CLASP2: variants seen among roughly 807,000 people sequenced by gnomAD.
CLASP2 encodes the protein CLIP-associating protein 2.
A neutral mutation model predicts 194.4 loss-of-function variants in CLASP2; 47 were observed. The ratio of observed to expected loss-of-function variants is 0.24; its 90% CI spans 0.19 to 0.31. The LOEUF is 0.31. CLASP2 is among the 10% of genes least tolerant of loss of function. The pLI, the probability that CLASP2 is intolerant of heterozygous loss-of-function variation, is 1.00. For missense variants in CLASP2, 1,445 were observed against 1,823.6 expected (o/e 0.79, Z 3.78); for synonymous variants, 619 against 633.5 (o/e 0.98, Z 0.34).
chr3:33,575,325 C>A (rs188144607), intron 24 of CLASP2, among the ~76,000 whole-genome samples: 2 of 152,102 alleles, frequency 1.3e-5, no homozygotes, highest in Non-Finnish European at 2.9e-5. Context: ...TTTTTAAAAA[C>A]CTGCCTTTTC....
chr3:33,658,904 C>G (rs1261321844), intron 7 of CLASP2: 1 of 1,348,400 alleles, frequency 7.4e-7, no homozygotes, highest in Non-Finnish European at 1.0e-6. Context: ...ATTTCTTACA[C>G]AGCAAATGAT....
rs568821764 is a variant in CLASP2, at chr3:33,568,553, C to CAAAAAAAAAAAAAAAAAAAAAAAAAAAAA, written c.2764-1820_2764-1819insTTTTTTTTTTTTTTTTTTTTTTTTTTTTT. On this transcript the variant is annotated intron_variant, in intron 26 of 38. Coordinates refer to ENST00000682230, the MANE Select transcript of CLASP2 (RefSeq NM_001365631.1). Reference sequence around the variant, plus strand: ...TGGGTGACAGAAAGAGATCTTGTCTCAAAAAAAAAAAAAAAAAAAAAATTA... The same window carrying CAAAAAAAAAAAAAAAAAAAAAAAAAAAAA: ...TGGGTGACAGAAAGAGATCTTGTCTCAAAAAAAAAAAAAAAAAAAAAAAAAAAAAAAAAAAAAAAAAAAAAAAAAAATTA... Among the ~76,000 whole-genome samples the CAAAAAAAAAAAAAAAAAAAAAAAAAAAAA allele has an allele frequency of 8.3e-4, 47 of 56,806 alleles. 2 individuals are homozygous for CAAAAAAAAAAAAAAAAAAAAAAAAAAAAA. Among genetic ancestry groups the CAAAAAAAAAAAAAAAAAAAAAAAAAAAAA allele is most frequent in the African/African-American group, 1.5e-3 (20 of 13,132 alleles). The allele number at this position is 56,806 out of a possible 152,430, so 37.3% of individuals were successfully genotyped here.
intron 1 of CLASP2, among the ~76,000 whole-genome samples, chr3:33,715,694 T>TA (rs2093259335): frequency 6.6e-6 from 1 of 152,120 alleles, no homozygotes; most frequent in South Asian, 2.1e-4. Context: ...CAATGACTGT[T>TA]AAGACACTCA....
rs550156050 is a variant in CLASP2, at chr3:33,607,410, G to A, written c.1500C>T (p.Asp500=). 20 of 1,610,696 alleles carry A rather than the reference G, an allele frequency of 1.2e-5. No individual in the cohort carries two copies. Among genetic ancestry groups the A allele is most frequent in the East Asian group, 1.1e-4 (5 of 44,780 alleles). ...ETIKKGIHDA[D]AEARVEARKT... ...TTCTTGCCTCCACTCTGGCCTCAGC[G>A]TCAGCATCATGAATTCCCTTTTTAA... Residue 500 remains aspartate, a synonymous_variant, in exon 15 of 39, where the codon GAC becomes GAT. Coordinates refer to ENST00000682230, the MANE Select transcript of CLASP2 (RefSeq NM_001365631.1).
intron 8 of CLASP2, among the ~76,000 whole-genome samples, chr3:33,643,595 T>A (rs2081731511): frequency 6.6e-6 from 1 of 151,956 alleles, no homozygotes. Context: ...TTTCAGCTAT[T>A]TAGTTATATG....
intron 8 of CLASP2, among the ~76,000 whole-genome samples, chr3:33,643,311 A>G (rs1473546486): frequency 6.6e-6 from 1 of 151,910 alleles, no homozygotes; most frequent in Non-Finnish European, 1.5e-5. Flanking sequence ...ATAATATCAT[A>G]GATTAGAATT....
chr3:33,604,019 C>A, intron 17 of CLASP2, 135 bp downstream of exon 17: 1 of 644,078 alleles, frequency 1.6e-6, no homozygotes, highest in African/African-American at 1.8e-5. Context: ...TATACATATA[C>A]AGGTACAGTG....
At chr3:33,701,146 T>A (rs1322631327) in intron 1 of CLASP2, among the ~76,000 whole-genome samples, 4 of 152,228 alleles carry the variant, frequency 2.6e-5, no homozygotes, top group Non-Finnish European at 4.4e-5. Context: ...CTTGTGTGAA[T>A]GCAATCCCAA....
At chr3:33,619,293 G>A (rs902220070) in intron 12 of CLASP2, among the ~76,000 whole-genome samples, 1 of 152,140 alleles carries the variant, frequency 6.6e-6, no homozygotes, top group African/African-American at 2.4e-5. Context: ...ATTATTTTCT[G>A]TAACATTTGT....
rs57940200 is a variant in CLASP2, at chr3:33,713,012, C to CAAAAAAAAAAAAAAAAAA, written c.195+4778_195+4795dup. On this transcript the variant is annotated intron_variant, in intron 1 of 38. Coordinates refer to ENST00000682230, the MANE Select transcript of CLASP2 (RefSeq NM_001365631.1). ...GGGCGACAAGAGCAAAACTCCACCT[C>CAAAAAAAAAAAAAAAAAA]AAAAAAAAAAAAAAAAAAAAAAAAA... Among the ~76,000 whole-genome samples the CAAAAAAAAAAAAAAAAAA allele has an allele frequency of 1.1e-3, 54 of 46,998 alleles. 2 individuals are homozygous for CAAAAAAAAAAAAAAAAAA. Among genetic ancestry groups the CAAAAAAAAAAAAAAAAAA allele is most frequent in the Admixed American group, 2.3e-3 (10 of 4,356 alleles). 30.8% of individuals were successfully genotyped at this position (46,998 alleles called of 152,430 possible).
At chr3:33,708,151 T>A (rs905603951) in intron 1 of CLASP2, among the ~76,000 whole-genome samples, 1 of 152,188 alleles carries the variant, frequency 6.6e-6, no homozygotes, top group African/African-American at 2.4e-5. Flanking sequence ...TACTGTGCAT[T>A]AGGTTTCCAG....
intron 34 of CLASP2, among the ~76,000 whole-genome samples, chr3:33,522,845 C>T (rs994305689): frequency 2.0e-5 from 3 of 152,082 alleles, no homozygotes; most frequent in Admixed American, 6.5e-5. Flanking sequence ...CTGAGGCGGG[C>T]GGATCACAAG....
chr3:33,622,112 T>C lies in CLASP2; in HGVS notation c.1181+23A>G, dbSNP rs373785704. The C allele has an allele frequency of 5.3e-5, 80 of 1,509,094 alleles. No individual in the cohort carries two copies. The African/African-American group carries it at 7.3e-4, about 14-fold the overall frequency. 93.5% of individuals were successfully genotyped at this position (1,509,094 alleles called of 1,614,324 possible). On this transcript the variant is annotated intron_variant, in intron 11 of 38. Coordinates refer to ENST00000682230, the MANE Select transcript of CLASP2 (RefSeq NM_001365631.1). ...ACTAAATTCATTCATAAAAAACACT[T>C]ATCATAAAAGGAATATACTTACGCT...
At chr3:33,607,553 A>G (rs1272126108) in intron 14 of CLASP2, 92 bp from the exon 15 acceptor site, 3 of 745,040 alleles carry the variant, frequency 4.0e-6, no homozygotes, top group East Asian at 2.9e-5. Context: ...TATTAATCAC[A>G]AACAGGTAGG....
At chr3:33,560,696 T>C in intron 28 of CLASP2, 112 bp downstream of exon 28, 1 of 841,518 alleles carries the variant, frequency 1.2e-6, no homozygotes, top group Non-Finnish European at 1.9e-6. Flanking sequence ...TCAAACGGAA[T>C]CCATGCAGTC....
chr3:33,686,857 AAAC>A (rs1397967377), intron 5 of CLASP2, among the ~76,000 whole-genome samples, 200 bp downstream of exon 5: 1 of 152,180 alleles, frequency 6.6e-6, no homozygotes, highest in African/African-American at 2.4e-5. Context: ...ACTACTAGCC[AAAC>A]AACTGACAAA....
chr3:33,660,536 T>G (rs574675066), intron 7 of CLASP2, among the ~76,000 whole-genome samples: 90 of 152,300 alleles, frequency 5.9e-4, no homozygotes, highest in African/African-American at 2.1e-3. Context: ...ATTTTTTTCA[T>G]CACGAAACAC....
intron 27 of CLASP2, among the ~76,000 whole-genome samples, chr3:33,564,921 T>C (rs970811639): frequency 2.0e-5 from 3 of 152,146 alleles, no homozygotes; most frequent in Admixed American, 1.3e-4. Context: ...GCTTATATCC[T>C]ATCAATGGTA....
intron 7 of CLASP2, among the ~76,000 whole-genome samples, chr3:33,650,697 G>A (rs2083033373): frequency 6.6e-6 from 1 of 151,902 alleles, no homozygotes; most frequent in Non-Finnish European, 1.5e-5. Context: ...AAGAGATGGA[G>A]GGGAAGAGGA....
Sources: allele counts gnomAD v4.1 joint callset (sites outside exome capture counted in the v4.1 genomes callset), GRCh38; gene constraint gnomAD v4.1.1; transcripts MANE v1.5; gene names NCBI Gene and HGNC (gene_info 2026-07-23, HGNC 2026-07-21).